MAPK4: variants seen among roughly 807,000 people sequenced by gnomAD.
MAPK4 encodes the protein Erk3-related.
MAPK4 carries 22 observed loss-of-function variants against 47.7 expected under a neutral mutation model. That is an observed-to-expected ratio of 0.46 (90% CI 0.33 to 0.66). The LOEUF (loss-of-function observed/expected upper bound fraction) is 0.66, where lower values mean the gene tolerates loss of function less well. Ranked by LOEUF, MAPK4 falls within the 30% of genes least tolerant of loss-of-function variation. The pLI is 0.02. For missense variants in MAPK4, 736 were observed against 831.7 expected (o/e 0.88, Z 1.42); for synonymous variants, 390 against 365.7 (o/e 1.07, Z -0.76).
At chr18:50,565,693 T>C (rs1237153847) in intron 1 of MAPK4, among the ~76,000 whole-genome samples, 1 of 152,228 alleles carries the variant, frequency 6.6e-6, no homozygotes, top group Non-Finnish European at 1.5e-5. Flanking sequence ...TTTCCATGTT[T>C]AGACATATTT....
At chr18:50,648,807 C>T (rs557244431) in intron 1 of MAPK4, among the ~76,000 whole-genome samples, 58 of 152,154 alleles carry the variant, frequency 3.8e-4, no homozygotes, top group Non-Finnish European at 7.2e-4. Context: ...CCCCTACCCT[C>T]GCTATGCTTG....
At chr18:50,679,323 C>T (rs1240710741) in intron 2 of MAPK4, among the ~76,000 whole-genome samples, 1 of 152,210 alleles carries the variant, frequency 6.6e-6, no homozygotes, top group Admixed American at 6.5e-5. Flanking sequence ...CCAAGCCTGA[C>T]TCTAACCAAT....
chr18:50,692,773 C>A (rs1909294756), intron 2 of MAPK4, among the ~76,000 whole-genome samples: 1 of 152,090 alleles, frequency 6.6e-6, no homozygotes, highest in African/African-American at 2.4e-5. Flanking sequence ...ACACCTGTTT[C>A]CATCAGCTCC....
At chr18:50,709,022 G>A (rs781054086) in intron 2 of MAPK4, among the ~76,000 whole-genome samples, 3 of 152,140 alleles carry the variant, frequency 2.0e-5, no homozygotes, top group African/African-American at 4.8e-5. Context: ...TCACACATTG[G>A]CTCTCGGCTG....
Position 50,582,767 on chromosome 18 carries a change from C to G in MAPK4, c.-871+22524C>G, listed in dbSNP as rs116885182. On this transcript the variant is annotated intron_variant, in intron 1 of 5. Coordinates refer to ENST00000400384, the MANE Select transcript of MAPK4 (RefSeq NM_002747.4). ...GTGCTCAGCTCCTAGCTGGATTGAG[C>G]ATGACACGAGCAGCTTCCATGTTGG... Among the ~76,000 whole-genome samples the G allele has an allele frequency of 3.7e-4, 57 of 152,338 alleles. No homozygotes were observed. The East Asian group carries it at 9.9e-3, about 26-fold the overall frequency.
intron 1 of MAPK4, among the ~76,000 whole-genome samples, chr18:50,631,697 C>A (rs571189755): frequency 6.6e-6 from 1 of 152,280 alleles, no homozygotes; most frequent in Admixed American, 6.5e-5. Flanking sequence ...GTTATTTTAA[C>A]TCTCCATGTG....
intron 1 of MAPK4, among the ~76,000 whole-genome samples, chr18:50,615,919 C>T (rs1286053127): frequency 6.6e-6 from 1 of 152,158 alleles, no homozygotes; most frequent in Non-Finnish European, 1.5e-5. Context: ...AAATCTACAA[C>T]CAGCCACAAA....
intron 2 of MAPK4, among the ~76,000 whole-genome samples, chr18:50,700,390 C>G (rs1210925824): frequency 6.6e-6 from 1 of 152,254 alleles, no homozygotes; most frequent in Non-Finnish European, 1.5e-5. Flanking sequence ...TCTTGACAAA[C>G]TCTCCATATA....
chr18:50,700,749 G>A (rs1300652797), intron 2 of MAPK4, among the ~76,000 whole-genome samples: 3 of 152,026 alleles, frequency 2.0e-5, no homozygotes, highest in African/African-American at 7.3e-5. Flanking sequence ...ATTGCTAAGT[G>A]TGAAGGAGAA....
chr18:50,688,389 A>G (rs890209615), intron 2 of MAPK4, among the ~76,000 whole-genome samples: 1 of 152,220 alleles, frequency 6.6e-6, no homozygotes, highest in African/African-American at 2.4e-5. Flanking sequence ...CAGTAAGCCT[A>G]TCTCTAAAGA....
intron 1 of MAPK4, among the ~76,000 whole-genome samples, chr18:50,626,506 GC>G (rs2042779506): frequency 1.3e-5 from 2 of 152,240 alleles, no homozygotes; most frequent in South Asian, 4.2e-4. Context: ...TTCTGGGATG[GC>G]CGAAGGGGTT....
chr18:50,605,452 C>T (rs1231337600), intron 1 of MAPK4, among the ~76,000 whole-genome samples: 1 of 152,156 alleles, frequency 6.6e-6, no homozygotes, highest in African/African-American at 2.4e-5. Context: ...AGAGGTGGGT[C>T]CTCTGCTCTA....
intron 3 of MAPK4, among the ~76,000 whole-genome samples, chr18:50,721,658 A>G (rs1910940127): frequency 6.6e-6 from 1 of 152,218 alleles, no homozygotes; most frequent in Non-Finnish European, 1.5e-5. Context: ...GCTGACTTAT[A>G]TCCAGCTGGT....
chr18:50,622,627 A>G (rs548467673), intron 1 of MAPK4, among the ~76,000 whole-genome samples: 1 of 152,352 alleles, frequency 6.6e-6, no homozygotes, highest in East Asian at 1.9e-4. Context: ...GAGGCACTCA[A>G]TAAACATTGA....
intron 1 of MAPK4, among the ~76,000 whole-genome samples, chr18:50,565,792 T>C (rs979311400): frequency 6.6e-6 from 1 of 152,304 alleles, no homozygotes; most frequent in African/African-American, 2.4e-5. Flanking sequence ...CTAGGAGCAA[T>C]AGGCCATACC....
chr18:50,652,780 G>C (rs1489716803), intron 1 of MAPK4, among the ~76,000 whole-genome samples: 2 of 152,230 alleles, frequency 1.3e-5, no homozygotes, highest in African/African-American at 2.4e-5. Context: ...GACATAAAAG[G>C]GCTAAGAGGG....
rs963381993 is a variant in MAPK4, at chr18:50,608,522, CT to C, written c.-871+48280del. ...GACAACTCAAGGTGTTATCTTTGTTCTAAACTCACTTCATGCAGGGACCAAT... is the reference window on the plus strand; with the variant it reads ...GACAACTCAAGGTGTTATCTTTGTTCAAACTCACTTCATGCAGGGACCAAT... On this transcript the variant is annotated intron_variant, in intron 1 of 5. Coordinates refer to ENST00000400384, the MANE Select transcript of MAPK4 (RefSeq NM_002747.4). 5.8e-4 allele frequency among the ~76,000 whole-genome samples: 88 copies of C among 152,142 alleles called. 1 individual carries two copies. The highest frequency in any genetic ancestry group is 3.4e-3 in the Middle Eastern group (1 of 294).
At chr18:50,631,953 T>A (rs1043030301) in intron 1 of MAPK4, among the ~76,000 whole-genome samples, 4 of 152,326 alleles carry the variant, frequency 2.6e-5, no homozygotes, top group East Asian at 3.9e-4. Flanking sequence ...GAGATGTTTG[T>A]AAAAGCACAA....
intron 2 of MAPK4, among the ~76,000 whole-genome samples, chr18:50,710,897 G>C (rs1598941490): frequency 6.6e-6 from 1 of 152,210 alleles, no homozygotes; most frequent in Non-Finnish European, 1.5e-5. Flanking sequence ...TTATTGGATT[G>C]AGCCTTCTCC....
Sources: gnomAD v4.1 joint callset for allele counts (sites outside exome capture counted in the v4.1 genomes callset) on GRCh38, gnomAD v4.1.1 for gene constraint, MANE v1.5 for transcripts, NCBI Gene and HGNC (gene_info 2026-07-23, HGNC 2026-07-21) for gene names.